Variants in MYH4 observed in about 807,000 individuals in gnomAD.
The protein encoded by MYH4 is myosin heavy chain 4, also known as myosin-4.
MYH4 carries 200 observed loss-of-function variants against 229.9 expected under a neutral mutation model. The observed-to-expected ratio is 0.87, with a 90% CI of 0.78 to 0.98. The LOEUF is 0.98. Among genes scored for constraint, MYH4 ranks in the 50% least tolerant of loss-of-function variants. MYH4 has a pLI of 0.00. For missense variants in MYH4, 2,148 were observed against 2,332.6 expected (o/e 0.92, Z 1.63); for synonymous variants, 761 against 834.6 (o/e 0.91, Z 1.52).
intron 4 of MYH4, among the ~76,000 whole-genome samples, chr17:10,465,919 T>C (rs867794751): frequency 5.5e-4 from 82 of 150,296 alleles, no homozygotes; most frequent in African/African-American, 1.9e-3. Context: ...GGACTACAGG[T>C]GCCCGCCACT....
intron 9 of MYH4, 26 bp downstream of exon 9, chr17:10,463,312 T>A (rs2072722112): frequency 6.3e-7 from 1 of 1,584,680 alleles, no homozygotes; most frequent in Non-Finnish European, 8.6e-7. Context: ...AAAAAGATTC[T>A]CAATCACTAA....
rs776738491 is a variant in MYH4 at position 10,464,725 on chromosome 17, AAAGAT to A, written c.506-22_506-18del. 6.2e-7 allele frequency: 1 copy of A among 1,611,504 alleles called. No individual in the cohort carries two copies. The highest frequency in any genetic ancestry group is 2.2e-5 in the East Asian group (1 of 44,858). On this transcript the variant is annotated intron_variant, in intron 5 of 39. Transcript: ENST00000255381. ...TTTCACGATCTGTAAAAGAGAAGCCAAAGATAATATTTAGAAAAACACACTTAACA... is the reference window on the plus strand; with the variant it reads ...TTTCACGATCTGTAAAAGAGAAGCCAAATATTTAGAAAAACACACTTAACA...
chr17:10,447,832 G>A lies in MYH4; in HGVS notation c.4951C>T (p.Gln1651Ter). 3 of 1,611,568 alleles carry A rather than the reference G, an allele frequency of 1.9e-6. No individual in the cohort carries two copies. The highest frequency in any genetic ancestry group is 2.5e-6 in the Non-Finnish European group (3 of 1,178,600). The part of the protein sequence containing the change: ...AEALRNLRNT[Q>*]GILKDTQLHL... ...CCCCAGCATACCTTCAGTATTCCTT[G>A]TGTGTTTCTAAGATTCCTTAGTGCC... is the stretch of plus-strand genomic sequence containing the variant. Residue 1651 changes from glutamine (Q) to a stop codon, truncating the protein, a stop_gained, in exon 34 of 40, where the codon CAA becomes TAA. Coordinates refer to ENST00000255381, the MANE Select transcript of MYH4 (RefSeq NM_017533.2). LOFTEE classifies it high-confidence loss of function.
intron 17 of MYH4, 130 bp downstream of exon 17, chr17:10,456,355 G>T: frequency 1.4e-6 from 1 of 712,510 alleles, no homozygotes; most frequent in Non-Finnish European, 2.2e-6. Flanking sequence ...AAAACCTTTA[G>T]TAGTATACTA....
At position 10,457,431 on chromosome 17, in the gene MYH4, G is replaced by T; in HGVS notation, c.1886C>A (p.Thr629Asn). ...CTATTAAACATGACCTGCTTCAGCA[G>T]TTTGTGCCCCAGAGAAGAGGAAAGC... ...TLAFLFSGAQ[T>N]AEAEGGGGKK... is the part of the protein sequence containing the mutation. Residue 629 changes from threonine to asparagine, a missense_variant, in exon 16 of 40, where the codon ACT becomes AAT. Physicochemically the swap from Thr to Asn is moderately conservative, Grantham distance 65. Coordinates refer to ENST00000255381, the MANE Select transcript of MYH4 (RefSeq NM_017533.2). 6.2e-7 allele frequency: 1 copy of T among 1,605,600 alleles called. No homozygotes were observed. The highest frequency in any genetic ancestry group is 8.5e-7 in the Non-Finnish European group (1 of 1,174,822).
Position 10,459,440 on chromosome 17 carries a change from A to G in MYH4, c.1417-19T>C. On this transcript the variant is annotated intron_variant, in intron 14 of 39. Coordinates refer to ENST00000255381, the MANE Select transcript of MYH4 (RefSeq NM_017533.2). ...TGTTGAACTACAGAACAAGATAAATATAGGAAATTACGCATAACAAGTATT... is the reference window on the plus strand; with the variant it reads ...TGTTGAACTACAGAACAAGATAAATGTAGGAAATTACGCATAACAAGTATT... 2 of 1,614,208 alleles carry G rather than the reference A, an allele frequency of 1.2e-6. No homozygotes were observed. The highest frequency in any genetic ancestry group is 1.1e-5 in the South Asian group (1 of 91,078).
chr17:10,465,859 C>G (rs2072759957), intron 4 of MYH4, among the ~76,000 whole-genome samples: 1 of 144,204 alleles, frequency 6.9e-6, no homozygotes, highest in African/African-American at 2.5e-5. Flanking sequence ...ACTGCAAGCT[C>G]CGCCTCCCGG....
chr17:10,449,027 A>C lies in MYH4; in HGVS notation c.4202T>G (p.Leu1401Arg). ...TTCTACATGTTCTTCTGCATCCTGC[A>C]GACGCTGGGCTAGCTTCTTCCTGAA... ...EEAKKKLAQR[L>R]QDAEEHVEAV... Residue 1401 changes from leucine (L) to arginine (R), a missense_variant, in exon 31 of 40, where the codon CTG becomes CGG. Physicochemically the swap from Leu to Arg is moderately radical, Grantham distance 102. Coordinates refer to ENST00000255381, the MANE Select transcript of MYH4 (RefSeq NM_017533.2). 6.2e-7 allele frequency: 1 copy of C among 1,614,128 alleles called. No individual in the cohort carries two copies. The highest frequency in any genetic ancestry group is 8.5e-7 in the Non-Finnish European group (1 of 1,179,990).
At chr17:10,460,634 C>T (rs2072691031) in intron 12 of MYH4, among the ~76,000 whole-genome samples, 2 of 152,132 alleles carry the variant, frequency 1.3e-5, no homozygotes, top group African/African-American at 4.8e-5. Context: ...ATATTCAGAT[C>T]TCTGTTTCTT....
At chr17:10,458,659 C>T (rs994929890) in intron 15 of MYH4, among the ~76,000 whole-genome samples, 9 of 152,086 alleles carry the variant, frequency 5.9e-5, no homozygotes, top group African/African-American at 1.7e-4. Context: ...AAGTGTTTAA[C>T]GATTGCTTGA....
In MYH4 at chr17:10,455,724, C is replaced by G; in HGVS notation, c.2064G>C (p.Met688Ile). 1 of 1,614,158 alleles carries G rather than the reference C, an allele frequency of 6.2e-7. No homozygotes were observed. Among genetic ancestry groups the G allele is most frequent in the Non-Finnish European group, 8.5e-7 (1 of 1,180,030 alleles). The part of the protein sequence containing the change: ...IPNETKTPGA[M>I]EHELVLHQLR... ...GCTGATGCAGGACAAGCTCATGCTC[C>G]ATGGCACCTAAGAGAATGAATCCAC... Residue 688 changes from methionine (M) to isoleucine (I), a missense_variant, in exon 19 of 40, where the codon ATG becomes ATC. Coordinates refer to ENST00000255381, the MANE Select transcript of MYH4 (RefSeq NM_017533.2).
intron 21 of MYH4, 64 bp from the exon 22 acceptor site, chr17:10,454,874 A>G: frequency 6.2e-7 from 1 of 1,610,054 alleles, no homozygotes; most frequent in Non-Finnish European, 8.5e-7. Flanking sequence ...CACTCAACAA[A>G]AGTAATGACT....
At chr17:10,457,933 T>G (rs2072660086) in intron 15 of MYH4, among the ~76,000 whole-genome samples, 1 of 152,180 alleles carries the variant, frequency 6.6e-6, no homozygotes, top group Non-Finnish European at 1.5e-5. Flanking sequence ...AAAAAATACA[T>G]CTGAACTATT....
At position 10,452,924 on chromosome 17, in the gene MYH4, T is replaced by A; in HGVS notation, c.3120A>T (p.Gly1040=). 1.2e-6 allele frequency: 2 copies of A among 1,603,328 alleles called. No individual in the cohort carries two copies. Among genetic ancestry groups the A allele is most frequent in the Non-Finnish European group, 1.7e-6 (2 of 1,177,914 alleles). Residue 1040 remains glycine, a synonymous_variant, in exon 25 of 40, where the codon GGA becomes GGT. Coordinates refer to ENST00000255381, the MANE Select transcript of MYH4 (RefSeq NM_017533.2). ...KLEQQVDDLE[G]SLEQEKKLCM... is the part of the protein sequence containing the mutation. ...AAAGTTTCTTTTCTTGTTCCAGAGA[T>A]CCTTCAAGCTAAATTTATGATGCAT...
rs779034071 is a variant in MYH4 at position 10,448,051 on chromosome 17, G to A, written c.4732C>T (p.Arg1578Ter). ...TCTTCATCTTTTTCAGCAATTTTTCGGTCAATCTCAGATTTCACCTGATTT... is the reference window on the plus strand; with the variant it reads ...TCTTCATCTTTTTCAGCAATTTTTCAGTCAATCTCAGATTTCACCTGATTT... ...ELNQVKSEID[R>*]KIAEKDEELD... Residue 1578 changes from arginine to a stop codon, truncating the protein, a stop_gained, in exon 34 of 40, where the codon CGA (arginine) becomes TGA (stop). Transcript: ENST00000255381. LOFTEE classifies it high-confidence loss of function. 2.5e-5 allele frequency: 40 copies of A among 1,613,790 alleles called. No homozygotes were observed. Among genetic ancestry groups the A allele is most frequent in the East Asian group, 8.9e-5 (4 of 44,864 alleles).
rs201589622 is a variant in MYH4, at chr17:10,453,704, A to G, written c.2873T>C (p.Ile958Thr). Reference protein sequence around the residue: ...EDECSELKKDIDDLELTLAKV... With the variant: ...EDECSELKKDTDDLELTLAKV... Reference sequence around the variant, plus strand: ...GGCCAGTGTCAGCTCAAGGTCATCAATGTCTTTCTTGAGCTCTGAACATTC... The same window carrying G: ...GGCCAGTGTCAGCTCAAGGTCATCAGTGTCTTTCTTGAGCTCTGAACATTC... The change falls in exon 23 of 40, where the codon ATT becomes ACT. Residue 958 changes from isoleucine to threonine, a missense_variant. By Grantham distance (89) the Ile-to-Thr change is moderately conservative. Transcript: ENST00000255381. The G allele has an allele frequency of 8.4e-5, 135 of 1,614,038 alleles. 2 individuals are homozygous for G. In the South Asian group the frequency reaches 1.4e-3, roughly 16 times the overall value.
rs1438595900 is a variant in MYH4 at position 10,457,456 on chromosome 17, C to T, written c.1861G>A (p.Ala621Thr). 6.2e-7 allele frequency: 1 copy of T among 1,612,166 alleles called. No individual in the cohort carries two copies. The highest frequency in any genetic ancestry group is 8.5e-7 in the Non-Finnish European group (1 of 1,178,724). ...LYQKSAMKTL[A>T]FLFSGAQTAE... is the part of the protein sequence containing the mutation. ...GTTTGTGCCCCAGAGAAGAGGAAAGCCAGAGTCTTCATTGCAGACTTCTGG... is the reference window on the plus strand; with the variant it reads ...GTTTGTGCCCCAGAGAAGAGGAAAGTCAGAGTCTTCATTGCAGACTTCTGG... The change falls in exon 16 of 40, where the codon GCT becomes ACT. Residue 621 changes from alanine to threonine, a missense_variant. Coordinates refer to ENST00000255381, the MANE Select transcript of MYH4 (RefSeq NM_017533.2).
chr17:10,448,783 C>G lies in MYH4; in HGVS notation c.4366G>C (p.Val1456Leu). 1 of 1,613,770 alleles carries G rather than the reference C, an allele frequency of 6.2e-7. No individual in the cohort carries two copies. The highest frequency in any genetic ancestry group is 8.5e-7 in the Non-Finnish European group (1 of 1,179,924). The change falls in exon 32 of 40, where the codon GTT (valine) becomes CTT (leucine). Residue 1456 changes from valine (V) to leucine (L), a missense_variant and splice_region_variant. Transcript: ENST00000255381. ...LDKKQRNFDK[V>L]LAEWKQKYEE... ...TACTTCTGTTTCCATTCTGCCAGAACCTGGAAGTATATAGAAAATAAGCCT... is the reference window on the plus strand; with the variant it reads ...TACTTCTGTTTCCATTCTGCCAGAAGCTGGAAGTATATAGAAAATAAGCCT...
At position 10,451,391 on chromosome 17, in the gene MYH4, T is replaced by C; in HGVS notation, c.3800A>G (p.Glu1267Gly). 1 of 1,614,112 alleles carries C rather than the reference T, an allele frequency of 6.2e-7. No individual in the cohort carries two copies. The highest frequency in any genetic ancestry group is 8.5e-7 in the Non-Finnish European group (1 of 1,180,002). Reference sequence around the variant, plus strand: ...ATTTATTAAGCGTTGTTGCTCTTCTTCCTTTGTTTTTATTTCACTAAGCTG... The same window carrying C: ...ATTTATTAAGCGTTGTTGCTCTTCTCCCTTTGTTTTTATTTCACTAAGCTG... ...EDQLSEIKTK[E>G]EEQQRLINEL... is the part of the protein sequence containing the mutation. The change falls in exon 28 of 40, where the codon GAA (glutamate) becomes GGA (glycine). Residue 1267 changes from glutamate to glycine, a missense_variant. Glu to Gly is a moderately conservative substitution (Grantham distance 98, BLOSUM62 -2). Transcript: ENST00000255381.
Sources: gnomAD v4.1 joint callset for allele counts (sites outside exome capture counted in the v4.1 genomes callset) on GRCh38, gnomAD v4.1.1 for gene constraint, MANE v1.5 for transcripts, NCBI Gene and HGNC (gene_info 2026-07-23, HGNC 2026-07-21) for gene names.